The following TRIM25 variants were observed in gnomAD, a reference collection of about 807,000 sequenced individuals.
TRIM25 encodes the protein tripartite motif containing 25, also known as E3 ubiquitin/ISG15 ligase TRIM25.
In TRIM25, 45 loss-of-function variants were observed where a neutral mutation model predicts 65.2. That is an observed-to-expected ratio of 0.69 (90% CI 0.54 to 0.89). The LOEUF (loss-of-function observed/expected upper bound fraction) is 0.89. Ranked by LOEUF, TRIM25 falls within the 40% of genes least tolerant of loss-of-function variation. The pLI, the probability that TRIM25 is intolerant of heterozygous loss-of-function variation, is 0.00. For synonymous variants in TRIM25, 321 were observed against 340.4 expected (o/e 0.94, Z 0.63); for missense variants, 714 against 803.7 (o/e 0.89, Z 1.35).
rs531405849 is a variant in TRIM25 at position 56,891,232 on chromosome 17, T to C, written c.*468A>G. 2.1e-4 allele frequency: 68 copies of C among 331,054 alleles called. 1 individual carries two copies. The highest frequency in any genetic ancestry group is 1.3e-3 in the African/African-American group (60 of 46,148). 20.5% of individuals were successfully genotyped at this position (331,054 alleles called of 1,614,324 possible). A position where few individuals can be genotyped will look rare whatever the true frequency, so the allele number is the denominator to read the frequency against. ...TGCGGGTAATGGAGTTTATGTAACA[T>C]TGAAACTCAATGACTTTGGAACTTT... is the stretch of plus-strand genomic sequence containing the variant. On this transcript the variant is annotated 3_prime_UTR_variant, in exon 9 of 9. Coordinates refer to ENST00000316881, the MANE Select transcript of TRIM25 (RefSeq NM_005082.5).
In TRIM25 at chr17:56,891,166, T is replaced by C; in HGVS notation, c.*534A>G. 5.7e-6 allele frequency: 2 copies of C among 353,224 alleles called. No individual in the cohort carries two copies. Among genetic ancestry groups the C allele is most frequent in the Admixed American group, 3.9e-5 (1 of 25,872 alleles). The allele number at this position is 353,224 out of a possible 1,614,324, so 21.9% of individuals were successfully genotyped here. On this transcript the variant is annotated 3_prime_UTR_variant, in exon 9 of 9. Coordinates refer to ENST00000316881, the MANE Select transcript of TRIM25 (RefSeq NM_005082.5). ...CTGGGTAGAGACTGCTGTGGGTGTT[T>C]CCTCAAGCACAGATAATAACCAGGA...
chr17:56,898,545 G>C (rs1174302853), intron 5 of TRIM25, among the ~76,000 whole-genome samples: 1 of 152,200 alleles, frequency 6.6e-6, no homozygotes, highest in Non-Finnish European at 1.5e-5. Flanking sequence ...TGGATCCTTG[G>C]GGGAGGGGGA....
intron 1 of TRIM25, among the ~76,000 whole-genome samples, chr17:56,911,354 G>A (rs991522236): frequency 8.6e-5 from 13 of 151,900 alleles, no homozygotes; most frequent in African/African-American, 3.1e-4. Context: ...GGCCGAGGCG[G>A]GTGGATCACA....
At chr17:56,896,326 C>CA (rs1191746811) in intron 5 of TRIM25, among the ~76,000 whole-genome samples, 6 of 136,278 alleles carry the variant, frequency 4.4e-5, no homozygotes, top group Middle Eastern at 3.5e-3. Flanking sequence ...GGAAAAAACA[C>CA]AAAAACCAAA....
Position 56,900,746 on chromosome 17 carries a change from G to A in TRIM25, c.1087+673C>T, listed in dbSNP as rs146637010. Among the ~76,000 whole-genome samples, 624 of 152,314 alleles carry A rather than the reference G, an allele frequency of 4.1e-3. 3 individuals are homozygous for A. Among genetic ancestry groups the A allele is most frequent in the Middle Eastern group, 0.014 (4 of 294 alleles). ...GAGTGGGGGGCGCCTTGGGGCTGGA[G>A]AGAGACCAACAGGGCTTGACCTGGC... On this transcript the variant is annotated intron_variant, in intron 4 of 8. Transcript: ENST00000316881.
rs149534661 is a variant in TRIM25 at position 56,892,768 on chromosome 17, C to G, written c.1364-539G>C. On this transcript the variant is annotated intron_variant, in intron 8 of 8. Transcript: ENST00000316881. ...AACCATTTACCAGGCACCTGACTGACACCAGATTCTGGCACAAGATGCACA... is the reference window on the plus strand; with the variant it reads ...AACCATTTACCAGGCACCTGACTGAGACCAGATTCTGGCACAAGATGCACA... 5.0e-3 allele frequency among the ~76,000 whole-genome samples: 762 copies of G among 152,330 alleles called. 12 individuals carry two copies. The highest frequency in any genetic ancestry group is 0.017 in the African/African-American group (711 of 41,560).
In TRIM25 at chr17:56,891,453, A is replaced by G; in HGVS notation, c.*247T>C. On this transcript the variant is annotated 3_prime_UTR_variant, in exon 9 of 9. Coordinates refer to ENST00000316881, the MANE Select transcript of TRIM25 (RefSeq NM_005082.5). ...GCCCAGCAGCCTGGAGATTTCCAGA[A>G]CAATGGGGAGTAGGTCACCCTGCCC... The G allele has an allele frequency of 1.9e-6, 1 of 525,774 alleles. No homozygotes were observed. The highest frequency in any genetic ancestry group is 3.4e-6 in the Non-Finnish European group (1 of 293,858). The allele number at this position is 525,774 out of a possible 1,614,324, so 32.6% of individuals were successfully genotyped here. A position where few individuals can be genotyped will look rare whatever the true frequency, so the allele number is the denominator to read the frequency against.
At chr17:56,894,109 T>C (rs1375938474) in intron 8 of TRIM25, among the ~76,000 whole-genome samples, 1 of 152,094 alleles carries the variant, frequency 6.6e-6, no homozygotes, top group Non-Finnish European at 1.5e-5. Flanking sequence ...ATGTAGAAAA[T>C]CTGCAGAGCT....
intron 3 of TRIM25, 45 bp downstream of exon 3, chr17:56,904,210 C>CA (rs79061333): frequency 0.058 from 74,210 of 1,268,616 alleles, 3 homozygotes; most frequent in Non-Finnish European, 0.068. Flanking sequence ...TGACATCAGG[C>CA]AAAAAAAAAA....
chr17:56,901,523 T>C lies in TRIM25; in HGVS notation c.983A>G (p.Glu328Gly). Residue 328 changes from glutamate (E) to glycine (G), a missense_variant, in exon 4 of 9, where the codon GAA becomes GGA. By Grantham distance (98) the Glu-to-Gly change is moderately conservative. Coordinates refer to ENST00000316881, the MANE Select transcript of TRIM25 (RefSeq NM_005082.5). ...STKPVYIPEVELNHKLIKGIH... is the reference protein window; with the variant it reads ...STKPVYIPEVGLNHKLIKGIH... Reference sequence around the variant, plus strand: ...GCCTTTTATCAGCTTGTGGTTCAGTTCCACCTCGGGGATGTAGACTGGCTT... The same window carrying C: ...GCCTTTTATCAGCTTGTGGTTCAGTCCCACCTCGGGGATGTAGACTGGCTT... 1 of 1,614,132 alleles carries C rather than the reference T, an allele frequency of 6.2e-7. No individual in the cohort carries two copies. The highest frequency in any genetic ancestry group is 8.5e-7 in the Non-Finnish European group (1 of 1,180,032).
chr17:56,913,607 G>A lies in TRIM25; in HGVS notation c.382C>T (p.Gln128Ter). 6.2e-7 allele frequency: 1 copy of A among 1,608,112 alleles called. No homozygotes were observed. The highest frequency in any genetic ancestry group is 8.5e-7 in the Non-Finnish European group (1 of 1,176,750). The change falls in exon 1 of 9, where the codon CAG becomes TAG. Residue 128 changes from glutamine to a stop codon, truncating the protein, a stop_gained. Transcript: ENST00000316881. LOFTEE classifies it high-confidence loss of function. The surrounding 1 kb of genome is among the most constrained non-coding windows in gnomAD (Gnocchi z 6.1). ...TCLVCMASFC[Q>*]EHLQPHFDSP... is the part of the protein sequence containing the mutation. ...TCGAAGTGCGGCTGCAGGTGCTCCT[G>A]ACAGAAGGAGGCCATGCACACCAAG...
At chr17:56,904,511 A>T (rs1315672480) in intron 2 of TRIM25, 23 bp from the exon 3 acceptor site, 5 of 1,610,716 alleles carry the variant, frequency 3.1e-6, no homozygotes, top group Non-Finnish European at 4.2e-6. Flanking sequence ...AGGTAAGAGG[A>T]TGCCCGTCAA....
intron 5 of TRIM25, among the ~76,000 whole-genome samples, chr17:56,896,820 A>G (rs1598072623): frequency 6.6e-6 from 1 of 152,024 alleles, no homozygotes; most frequent in Non-Finnish European, 1.5e-5. Flanking sequence ...AATGCAAATT[A>G]TTGGTCAGGC....
chr17:56,908,803 C>T, intron 1 of TRIM25: 1 of 480,248 alleles, frequency 2.1e-6, no homozygotes, highest in Non-Finnish European at 3.8e-6. Context: ...GTCCCAACTC[C>T]CAGCTGTGCA....
At chr17:56,904,700 AC>A (rs535944288) in intron 2 of TRIM25, among the ~76,000 whole-genome samples, 196 of 152,338 alleles carry the variant, frequency 1.3e-3, no homozygotes, top group Non-Finnish European at 2.2e-3. Flanking sequence ...AATATGTGCT[AC>A]AAAAAATTGC....
In TRIM25 at chr17:56,901,409, C is replaced by T; in HGVS notation, c.1087+10G>A. 7 of 1,613,304 alleles carry T rather than the reference C, an allele frequency of 4.3e-6. No individual in the cohort carries two copies. The highest frequency in any genetic ancestry group is 5.9e-6 in the Non-Finnish European group (7 of 1,179,826). The stretch of plus-strand genomic sequence containing the variant: ...CCACAGGGGGCAGCATAGGGGGCTG[C>T]TAAGGTCACCTGAACTGGGGGTGGG... On this transcript the variant is annotated intron_variant, in intron 4 of 8. Coordinates refer to ENST00000316881, the MANE Select transcript of TRIM25 (RefSeq NM_005082.5).
At chr17:56,907,173 A>G (rs944199146) in intron 2 of TRIM25, among the ~76,000 whole-genome samples, 1 of 152,222 alleles carries the variant, frequency 6.6e-6, no homozygotes, top group Non-Finnish European at 1.5e-5. Flanking sequence ...AGAACCCTTA[A>G]TCCCTGAATG....
intron 4 of TRIM25, among the ~76,000 whole-genome samples, chr17:56,900,977 G>C (rs754414569): frequency 2.0e-5 from 3 of 152,198 alleles, no homozygotes; most frequent in Non-Finnish European, 2.9e-5. Context: ...GCAGTGCTAG[G>C]ATCAGCAGAC....
At chr17:56,897,395 T>A (rs1909315701) in intron 5 of TRIM25, among the ~76,000 whole-genome samples, 1 of 149,978 alleles carries the variant, frequency 6.7e-6, no homozygotes, top group South Asian at 2.1e-4. Context: ...CAGACCCCCA[T>A]CACACCACAA....
Sources: allele counts gnomAD v4.1 joint callset (sites outside exome capture counted in the v4.1 genomes callset), GRCh38; gene constraint gnomAD v4.1.1; non-coding constraint Gnocchi (gnomAD v3.1); transcripts MANE v1.5; gene names NCBI Gene and HGNC (gene_info 2026-07-23, HGNC 2026-07-21).